Variants in SUMF1 observed in about 807,000 individuals in gnomAD.
The protein encoded by SUMF1 is formylglycine-generating enzyme.
In SUMF1, 48 loss-of-function variants were observed where a neutral mutation model predicts 47.6. The observed-to-expected ratio is 1.01, with a 90% CI of 0.80 to 1.28. The LOEUF is 1.28. SUMF1 is among the 50% of genes most tolerant of loss of function. The pLI is 0.00. For missense variants in SUMF1, 571 were observed against 485.4 expected, an observed-to-expected ratio of 1.18 and a Z score of -1.66; for synonymous variants, 230 against 192.1, an observed-to-expected ratio of 1.20 and a Z score of -1.63.
intron 3 of SUMF1, among the ~76,000 whole-genome samples, chr3:4,435,115 T>C (rs908228563): frequency 2.0e-5 from 3 of 152,088 alleles, no homozygotes; most frequent in Admixed American, 6.5e-5. Flanking sequence ...TTAGTAGAGA[T>C]GGGGTTTCAC....
chr3:4,077,713 A>C (rs1692470567), intron 8 of SUMF1, among the ~76,000 whole-genome samples: 1 of 152,066 alleles, frequency 6.6e-6, no homozygotes. Flanking sequence ...GTAAATGTCG[A>C]GTTCATGGGT....
At chr3:4,071,111 A>G (rs189909029) in intron 8 of SUMF1, among the ~76,000 whole-genome samples, 1 of 152,120 alleles carries the variant, frequency 6.6e-6, no homozygotes, top group Admixed American at 6.5e-5. Context: ...CAAGTTGAGT[A>G]ATTTTGGTGA....
At chr3:4,264,955 G>A (rs955751050) in intron 8 of SUMF1, among the ~76,000 whole-genome samples, 3 of 152,008 alleles carry the variant, frequency 2.0e-5, no homozygotes, top group Admixed American at 1.3e-4. Context: ...CCAACATTGT[G>A]AGACCCTATC....
rs1353464659 is a variant in SUMF1, at chr3:4,450,519, T to G, written c.445-1179A>C. Among the ~76,000 whole-genome samples the G allele has an allele frequency of 2.0e-5, 3 of 152,194 alleles. No homozygotes were observed. The East Asian group carries it at 5.8e-4, about 29-fold the overall frequency. On this transcript the variant is annotated intron_variant, in intron 2 of 8. Coordinates refer to ENST00000272902, the MANE Select transcript of SUMF1 (RefSeq NM_182760.4). ...TGACTAACTACCTAAGCCATTTAGT[T>G]ATTCAACAAACATGTATCAAACACC...
rs149666272 is a variant in SUMF1, at chr3:4,048,453, A to T, written c.1191+20116T>A. ...GCTCAAAGTGGCAGAACCAGAATTT[A>T]AACCCAGGTCTGCTTGATTGCAGAG... is the stretch of plus-strand genomic sequence containing the variant. On this transcript the variant is annotated intron_variant and NMD_transcript_variant, in intron 9 of 12. Transcript: ENST00000448413. 3.1e-4 allele frequency among the ~76,000 whole-genome samples: 47 copies of T among 152,314 alleles called. 1 individual carries two copies. Among genetic ancestry groups the T allele is most frequent in the African/African-American group, 1.1e-3 (46 of 41,576 alleles).
rs192236194 is a variant in SUMF1, at chr3:4,205,390, C to T, written c.1015-136645G>A. Among the ~76,000 whole-genome samples, 39 of 152,284 alleles carry T rather than the reference C, an allele frequency of 2.6e-4. No homozygotes were observed. In the East Asian group the frequency reaches 4.6e-3, roughly 18 times the overall value. ...CCTGCACCCAGGTGAAATAAACAGC[C>T]ATGTTGCTCACACAAAGCTTGTCTG... On this transcript the variant is annotated intron_variant and NMD_transcript_variant, in intron 8 of 12. Transcript: ENST00000448413.
chr3:4,420,292 A>T, intron 3 of SUMF1, 146 bp from the exon 4 acceptor site: 1 of 710,592 alleles, frequency 1.4e-6, no homozygotes, highest in Non-Finnish European at 2.6e-6. Flanking sequence ...ACCAAAATAA[A>T]GACTTATATG....
chr3:4,217,230 T>A (rs1695944274), intron 8 of SUMF1, among the ~76,000 whole-genome samples: 1 of 151,550 alleles, frequency 6.6e-6, no homozygotes, highest in Admixed American at 6.6e-5. Flanking sequence ...TGGATGAAGC[T>A]GGAAACCATC....
At chr3:4,346,387 C>T (rs894324708) in intron 8 of SUMF1, among the ~76,000 whole-genome samples, 2 of 152,158 alleles carry the variant, frequency 1.3e-5, no homozygotes, top group African/African-American at 2.4e-5. Context: ...CTCAAAACCA[C>T]ACAATTTCAT....
At chr3:4,174,652 T>C (rs1165270238) in intron 8 of SUMF1, among the ~76,000 whole-genome samples, 2 of 152,116 alleles carry the variant, frequency 1.3e-5, no homozygotes, top group Admixed American at 1.3e-4. Flanking sequence ...GCATTTCCAC[T>C]GAGGTACCTG....
intron 8 of SUMF1, among the ~76,000 whole-genome samples, chr3:4,320,226 A>G (rs553005224): frequency 1.4e-4 from 21 of 152,322 alleles, no homozygotes; most frequent in African/African-American, 4.6e-4. Flanking sequence ...CAAATGTAGG[A>G]AACAAACTCA....
chr3:4,102,918 ACTT>A (rs1218057566), intron 8 of SUMF1, among the ~76,000 whole-genome samples: 1 of 148,364 alleles, frequency 6.7e-6, no homozygotes, highest in East Asian at 2.0e-4. Context: ...ATGAACAGAA[ACTT>A]CTTTTTTTTT....
Position 4,334,379 on chromosome 3 carries a change from C to T in SUMF1, c.1014+41951G>A, listed in dbSNP as rs76549705. Among the ~76,000 whole-genome samples the T allele has an allele frequency of 7.2e-3, 1,091 of 152,288 alleles. 12 individuals are homozygous for T. The highest frequency in any genetic ancestry group is 0.025 in the African/African-American group (1,038 of 41,558). On this transcript the variant is annotated intron_variant and NMD_transcript_variant, in intron 8 of 12. Transcript: ENST00000448413. ...CAACCAAGGTTATAACAACCACAGA[C>T]ACATGAGATGTCTCCAAAGAGGTGG...
intron 1 of SUMF1, among the ~76,000 whole-genome samples, chr3:4,463,285 A>G (rs2079860886): frequency 6.6e-6 from 1 of 152,208 alleles, no homozygotes; most frequent in Non-Finnish European, 1.5e-5. Context: ...AAGTCAAAAG[A>G]TCGAGACAAT....
intron 8 of SUMF1, among the ~76,000 whole-genome samples, chr3:4,079,940 C>T (rs1048705839): frequency 2.0e-5 from 3 of 151,708 alleles, no homozygotes; most frequent in Non-Finnish European, 4.4e-5. Context: ...AATCTTCTTG[C>T]CCTGGCTCTG....
chr3:4,075,457 C>G (rs1477919359), intron 8 of SUMF1, among the ~76,000 whole-genome samples: 1 of 152,096 alleles, frequency 6.6e-6, no homozygotes, highest in African/African-American at 2.4e-5. Context: ...TCTCACCACT[C>G]CTATTCAACA....
In SUMF1 at chr3:4,198,276, C is replaced by T. The variant is rs140363983; in HGVS notation, c.1015-129531G>A. On this transcript the variant is annotated intron_variant and NMD_transcript_variant, in intron 8 of 12. Transcript: ENST00000448413. Reference sequence around the variant, plus strand: ...TAACATGCAGTTAGACACAAAAAAGCTCAAGGGCCAAGATCTCTCCTGCCA... The same window carrying T: ...TAACATGCAGTTAGACACAAAAAAGTTCAAGGGCCAAGATCTCTCCTGCCA... Among the ~76,000 whole-genome samples the T allele has an allele frequency of 7.6e-3, 1,150 of 152,090 alleles. 10 individuals are homozygous for T. Among genetic ancestry groups the T allele is most frequent in the Middle Eastern group, 0.014 (4 of 294 alleles).
At chr3:4,057,741 G>A (rs1284100537) in intron 9 of SUMF1, among the ~76,000 whole-genome samples, 1 of 152,168 alleles carries the variant, frequency 6.6e-6, no homozygotes, top group Admixed American at 6.6e-5. Flanking sequence ...CCAAATAAAG[G>A]TGGAAAGTTG....
chr3:4,216,636 T>A (rs528713615), intron 8 of SUMF1, among the ~76,000 whole-genome samples: 62 of 151,918 alleles, frequency 4.1e-4, no homozygotes, highest in Middle Eastern at 3.4e-3. Flanking sequence ...AGGGCCAATA[T>A]CCAGAATCTA....
Sources: gnomAD v4.1 joint callset for allele counts (sites outside exome capture counted in the v4.1 genomes callset) on GRCh38, gnomAD v4.1.1 for gene constraint, MANE v1.5 for transcripts, NCBI Gene and HGNC (gene_info 2026-07-23, HGNC 2026-07-21) for gene names.